PLOD1: variants seen among roughly 807,000 people sequenced by gnomAD.
The protein encoded by PLOD1 is lysine hydroxylase.
In PLOD1, 70 loss-of-function variants were observed where a neutral mutation model predicts 94.7. The observed-to-expected ratio is 0.74, with a 90% CI of 0.61 to 0.90. PLOD1 has a LOEUF of 0.90. Ranked by LOEUF, PLOD1 falls within the 40% of genes least tolerant of loss-of-function variation. The probability of loss-of-function intolerance (pLI) is 0.00; values close to 1 mark genes in which losing one functional copy is unlikely to be tolerated. For synonymous variants in PLOD1, 417 were observed against 400.2 expected, an observed-to-expected ratio of 1.04 and a Z score of -0.50; for missense variants, 905 against 972.7, an observed-to-expected ratio of 0.93 and a Z score of 0.93.
rs749845776 is a variant in PLOD1, at chr1:11,949,814, G to A, written c.210G>A (p.Thr70=). The change falls in exon 3 of 19, where the codon ACG becomes ACA. Residue 70 remains threonine, a synonymous_variant. Coordinates refer to ENST00000196061, the MANE Select transcript of PLOD1 (RefSeq NM_000302.4). ...LGEDWNVEKG[T]SAGGGQKVRL... ...AGGACTGGAATGTGGAGAAGGGGACGTCGGCAGGTGGAGGGCAGAAGGTCC... is the reference window on the plus strand; with the variant it reads ...AGGACTGGAATGTGGAGAAGGGGACATCGGCAGGTGGAGGGCAGAAGGTCC... 4.3e-6 allele frequency: 7 copies of A among 1,613,894 alleles called. No homozygotes were observed. The highest frequency in any genetic ancestry group is 2.7e-5 in the African/African-American group (2 of 74,914).
rs1478201430 is a variant in PLOD1 at position 11,958,708 on chromosome 1, A to G, written c.975+61A>G. 1.4e-5 allele frequency: 23 copies of G among 1,599,526 alleles called. No individual in the cohort carries two copies. In the South Asian group the frequency reaches 1.5e-4, roughly 11 times the overall value. On this transcript the variant is annotated intron_variant, in intron 9 of 18. Transcript: ENST00000196061. The surrounding 1 kb of genome is among the most constrained non-coding windows in gnomAD (Gnocchi z 4.3). Reference sequence around the variant, plus strand: ...CTTAGATCCAGGGCCCAGCTTCACAAGGTAGCCCGAGACCTCTGAGGGTCT... The same window carrying G: ...CTTAGATCCAGGGCCCAGCTTCACAGGGTAGCCCGAGACCTCTGAGGGTCT...
chr1:11,960,851 A>T, intron 10 of PLOD1, 84 bp downstream of exon 10: 2 of 1,590,598 alleles, frequency 1.3e-6, no homozygotes, highest in Non-Finnish European at 1.7e-6. Flanking sequence ...GCTGAGTGAC[A>T]GGAGTTCAGA....
chr1:11,965,619 G>C (rs772579356), intron 14 of PLOD1, 26 bp downstream of exon 14: 1 of 1,411,708 alleles, frequency 7.1e-7, no homozygotes, highest in African/African-American at 1.4e-5. Flanking sequence ...GCACATAGGG[G>C]CTGGGAGCAA....
intron 1 of PLOD1, among the ~76,000 whole-genome samples, chr1:11,941,236 GTTTT>G (rs937889365): frequency 2.0e-4 from 31 of 152,182 alleles, no homozygotes; most frequent in African/African-American, 7.5e-4. Context: ...TTGTTTGTTT[GTTTT>G]GTTTTTTGTT....
intron 2 of PLOD1, among the ~76,000 whole-genome samples, chr1:11,949,387 G>C (rs1041782506): frequency 4.6e-5 from 7 of 152,082 alleles, no homozygotes; most frequent in African/African-American, 1.2e-4. Flanking sequence ...GGGAGGGTCA[G>C]AGTTGCTGGA....
chr1:11,964,141 A>AGCG (rs1645798761), intron 11 of PLOD1, 34 bp from the exon 12 acceptor site: 1 of 1,611,222 alleles, frequency 6.2e-7, no homozygotes, highest in Admixed American at 1.7e-5. Context: ...CCCAGTGGGC[A>AGCG]GCGACCTCCT....
intron 1 of PLOD1, among the ~76,000 whole-genome samples, chr1:11,937,913 C>T (rs1645590629): frequency 1.3e-5 from 2 of 150,006 alleles, no homozygotes; most frequent in South Asian, 4.2e-4. Context: ...GGATCCCTCC[C>T]TGTTTTCCAT....
intron 9 of PLOD1, among the ~76,000 whole-genome samples, chr1:11,960,043 C>T (rs1645767133): frequency 6.8e-6 from 1 of 146,646 alleles, no homozygotes; most frequent in South Asian, 2.1e-4. Flanking sequence ...AGTTCTCTGC[C>T]TCTGCAACCT....
intron 12 of PLOD1, 122 bp from the exon 13 acceptor site, chr1:11,964,522 C>G (rs1463383082): frequency 8.8e-6 from 9 of 1,022,816 alleles, no homozygotes; most frequent in Non-Finnish European, 1.2e-5. Context: ...GCCCCCCTAG[C>G]CTGTGACTTC....
chr1:11,964,552 C>T lies in PLOD1; in HGVS notation c.1329-92C>T, dbSNP rs536029327. On this transcript the variant is annotated intron_variant, in intron 12 of 18. Coordinates refer to ENST00000196061, the MANE Select transcript of PLOD1 (RefSeq NM_000302.4). ...GACTTCCCTTCTCACACCCAGACTC[C>T]AGGCTATGACTCCCCACCACCACCC... The T allele has an allele frequency of 2.3e-6, 3 of 1,324,668 alleles. No individual in the cohort carries two copies. The South Asian group carries it at 3.5e-5, about 16-fold the overall frequency. The allele number at this position is 1,324,668 out of a possible 1,614,324, so 82.1% of individuals were successfully genotyped here.
intron 17 of PLOD1, 32 bp downstream of exon 17, chr1:11,970,848 G>A: frequency 6.2e-7 from 1 of 1,600,010 alleles, no homozygotes; most frequent in Non-Finnish European, 8.5e-7. Flanking sequence ...CCAGGATGCG[G>A]GGACAGTTGG....
intron 17 of PLOD1, among the ~76,000 whole-genome samples, chr1:11,971,383 C>T (rs990983047): frequency 2.0e-5 from 3 of 150,088 alleles, no homozygotes; most frequent in Admixed American, 6.7e-5. Context: ...GAGGTCTCAC[C>T]GCACACACCC....
rs1236321066 is a variant in PLOD1 at position 11,958,972 on chromosome 1, A to C, written c.975+325A>C. ...GTAATCCCAGCACTTTGGGAGGCCC[A>C]GGTGGGCAGATTATCTGAGGTCGGG... On this transcript the variant is annotated intron_variant, in intron 9 of 18. Transcript: ENST00000196061. This position sits in a 1 kb window ranked among gnomAD's most constrained non-coding sequence, Gnocchi z 4.3. Among the ~76,000 whole-genome samples, 1 of 152,198 alleles carries C rather than the reference A, an allele frequency of 6.6e-6. No homozygotes were observed. Among genetic ancestry groups the C allele is most frequent in the Non-Finnish European group, 1.5e-5 (1 of 68,036 alleles).
intron 1 of PLOD1, among the ~76,000 whole-genome samples, chr1:11,945,322 G>T (rs2100739392): frequency 6.6e-6 from 1 of 152,138 alleles, no homozygotes; most frequent in South Asian, 2.1e-4. Flanking sequence ...GGAGGCTAAG[G>T]TGGGAGGATC....
chr1:11,970,723 G>GA lies in PLOD1; in HGVS notation c.1811dup (p.Asn604LysfsTer6). The stretch of plus-strand genomic sequence containing the variant: ...ACGTGCCGACTATTGACATCCACAT[G>GA]AACCAGATCGGCTTTGAGCGGGAGT... On this transcript the variant is annotated frameshift_variant, in exon 17 of 19. Transcript: ENST00000196061. LOFTEE classifies it high-confidence loss of function. 6.2e-7 allele frequency: 1 copy of GA among 1,612,858 alleles called. No individual in the cohort carries two copies. The highest frequency in any genetic ancestry group is 1.1e-5 in the South Asian group (1 of 91,034).
Position 11,967,081 on chromosome 1 carries a change from G to A in PLOD1, c.1745G>A (p.Gly582Asp). 1.0e-5 allele frequency: 16 copies of A among 1,607,046 alleles called. No homozygotes were observed. Among genetic ancestry groups the A allele is most frequent in the Non-Finnish European group, 1.4e-5 (16 of 1,173,550 alleles). Residue 582 changes from glycine (G) to aspartate (D), a missense_variant, in exon 16 of 19, where the codon GGC becomes GAC. Gly to Asp is a moderately conservative substitution (Grantham distance 94). Transcript: ENST00000196061. Reference sequence around the variant, plus strand: ...GAGCACTTTGGCCAGTGGTCTCTGGGCAACAACAAGGTGGGACCCTGATGC... The same window carrying A: ...GAGCACTTTGGCCAGTGGTCTCTGGACAACAACAAGGTGGGACCCTGATGC... ...EMEHFGQWSL[G>D]NNKDNRIQGG...
intron 14 of PLOD1, 140 bp from the exon 15 acceptor site, chr1:11,966,111 C>T: frequency 1.4e-6 from 1 of 718,414 alleles, no homozygotes. Flanking sequence ...AGACAACACA[C>T]ACGCACCCAG....
chr1:11,970,086 C>CA (rs145535439), intron 16 of PLOD1, among the ~76,000 whole-genome samples: 5,887 of 125,920 alleles, frequency 0.047, 311 homozygotes, highest in African/African-American at 0.14. Flanking sequence ...ACTAAAAATA[C>CA]AAAAAAAAAA....
At position 11,970,686 on chromosome 1, in the gene PLOD1, G is replaced by A. The variant is rs748646169; in HGVS notation, c.1772G>A (p.Gly591Asp). The change falls in exon 17 of 19, where the codon GGT (glycine) becomes GAT (aspartate). Residue 591 changes from glycine (G) to aspartate (D), a missense_variant. Gly to Asp is a moderately conservative substitution (Grantham distance 94, BLOSUM62 -1). Transcript: ENST00000196061. Reference sequence around the variant, plus strand: ...CACCTCCAGGACAACCGCATCCAGGGTGGCTACGAGAACGTGCCGACTATT... The same window carrying A: ...CACCTCCAGGACAACCGCATCCAGGATGGCTACGAGAACGTGCCGACTATT... ...LGNNKDNRIQ[G>D]GYENVPTIDI... 9.9e-6 allele frequency: 16 copies of A among 1,613,148 alleles called. No homozygotes were observed. The highest frequency in any genetic ancestry group is 5.0e-5 in the Admixed American group (3 of 59,946).
Sources: gnomAD v4.1 joint callset for allele counts (sites outside exome capture counted in the v4.1 genomes callset) on GRCh38, gnomAD v4.1.1 for gene constraint, Gnocchi (gnomAD v3.1) non-coding constraint, MANE v1.5 for transcripts, NCBI Gene and HGNC (gene_info 2026-07-23, HGNC 2026-07-21) for gene names.